Variants in RGS12 observed in about 807,000 individuals in gnomAD.
RGS12 encodes regulator of G protein signaling 12.
A neutral mutation model predicts 120.1 loss-of-function variants in RGS12; 66 were observed. That is an observed-to-expected ratio of 0.55 (90% CI 0.45 to 0.67). The LOEUF is 0.67. Ranked by LOEUF, RGS12 falls within the 30% of genes least tolerant of loss-of-function variation. The probability of loss-of-function intolerance (pLI) is 0.00; values close to 1 mark genes in which losing one functional copy is unlikely to be tolerated. For synonymous variants in RGS12, 827 were observed against 804.7 expected, an observed-to-expected ratio of 1.03 and a Z score of -0.47; for missense variants, 1,859 against 1,957.7, an observed-to-expected ratio of 0.95 and a Z score of 0.95.
At chr4:3,409,224 C>T (rs1355807590) in intron 4 of RGS12, among the ~76,000 whole-genome samples, 4 of 152,206 alleles carry the variant, frequency 2.6e-5, no homozygotes, top group Admixed American at 2.6e-4. Context: ...TCTGCCTCTG[C>T]AGGACCCCAA....
chr4:3,317,970 G>C lies in RGS12; in HGVS notation c.1800G>C (p.Arg600Ser), dbSNP rs779402269. The change falls in exon 2 of 18, where the codon AGG (arginine) becomes AGC (serine). Residue 600 changes from arginine (R) to serine (S), a missense_variant. Coordinates refer to ENST00000336727, the MANE Select transcript of RGS12 (RefSeq NM_001394154.1). ...FAQPPLNAPK[R>S]EWSRKAFGMQ... ...AGCCCCCGCTGAATGCCCCGAAGAG[G>C]GAGTGGTCCAGGAAGGCCTTTGGAA... is the stretch of plus-strand genomic sequence containing the variant. The C allele has an allele frequency of 1.2e-6, 2 of 1,612,790 alleles. No homozygotes were observed. Among genetic ancestry groups the C allele is most frequent in the Non-Finnish European group, 1.7e-6 (2 of 1,179,464 alleles).
intron 1 of RGS12, among the ~76,000 whole-genome samples, chr4:3,313,490 T>TCTCCCC (rs1724539030): frequency 6.6e-6 from 1 of 152,202 alleles, no homozygotes; most frequent in African/African-American, 2.4e-5. Flanking sequence ...GACAAAGTGA[T>TCTCCCC]TCCCCCTTGT....
At chr4:3,299,359 G>T (rs982566346) in intron 1 of RGS12, among the ~76,000 whole-genome samples, 2 of 152,050 alleles carry the variant, frequency 1.3e-5, no homozygotes, top group East Asian at 3.9e-4. Flanking sequence ...CTTCAAGCTG[G>T]GAGGATCACA....
intron 3 of RGS12, among the ~76,000 whole-genome samples, chr4:3,359,696 C>G (rs1715375442): frequency 6.7e-6 from 1 of 149,318 alleles, no homozygotes; most frequent in African/African-American, 2.5e-5. Flanking sequence ...AATCTCAGCT[C>G]ATTGCAAACT....
At chr4:3,397,505 T>C (rs13434660) in intron 4 of RGS12, among the ~76,000 whole-genome samples, 11,438 of 152,096 alleles carry the variant, frequency 0.075, 1,105 homozygotes, top group African/African-American at 0.23. Flanking sequence ...CACATGTCCA[T>C]GGGAGGAGCA....
At chr4:3,371,021 A>C (rs188245631) in intron 3 of RGS12, among the ~76,000 whole-genome samples, 4 of 152,338 alleles carry the variant, frequency 2.6e-5, no homozygotes, top group Admixed American at 2.6e-4. Flanking sequence ...ATGTTTTTCT[A>C]ATATCTAATT....
chr4:3,430,294 G>A (rs1044498926), intron 16 of RGS12, 113 bp from the exon 17 acceptor site: 8 of 931,456 alleles, frequency 8.6e-6, no homozygotes, highest in Admixed American at 4.5e-5. Context: ...TTGACCCACA[G>A]CTGATAGGGT....
chr4:3,422,593 G>A (rs200710335), intron 11 of RGS12, 23 bp downstream of exon 11: 19 of 1,602,848 alleles, frequency 1.2e-5, no homozygotes, highest in Middle Eastern at 1.8e-4. Flanking sequence ...CCTGACCCTC[G>A]TGCTGCCCTC....
At chr4:3,432,350 G>C in intron 17 of RGS12, 1 of 239,766 alleles carries the variant, frequency 4.2e-6, no homozygotes. Context: ...TGAGCACCTG[G>C]TGTGCTCCCA....
rs749409029 is a variant in RGS12, at chr4:3,386,434, G to A, written c.2017G>A (p.Gly673Ser). The change falls in exon 4 of 18, where the codon GGC (glycine) becomes AGC (serine). Residue 673 changes from glycine (G) to serine (S), a missense_variant. Physicochemically the swap from Gly to Ser is moderately conservative, Grantham distance 56. This residue lies in a region of RGS12 where 967 missense variants were observed against 994.2 expected (regional missense o/e 0.97). Coordinates refer to ENST00000336727, the MANE Select transcript of RGS12 (RefSeq NM_001394154.1). ...DDLESATVSD[G>S]ELTGADLKDC... is the part of the protein sequence containing the mutation. ...CTTTCAGTCTGCAACTGTGTCTGAT[G>A]GCGGTAAGTCACAATTTCTGATGTA... The A allele has an allele frequency of 1.9e-6, 3 of 1,611,200 alleles. No individual in the cohort carries two copies. Among genetic ancestry groups the A allele is most frequent in the Non-Finnish European group, 2.5e-6 (3 of 1,177,530 alleles).
At chr4:3,357,876 C>T (rs1348068380) in intron 3 of RGS12, among the ~76,000 whole-genome samples, 2 of 152,030 alleles carry the variant, frequency 1.3e-5, no homozygotes, top group African/African-American at 4.8e-5. Flanking sequence ...ATGGGTTTTT[C>T]TATTTCTGTA....
chr4:3,296,037 G>T (rs1723361053), intron 1 of RGS12, among the ~76,000 whole-genome samples: 2 of 152,178 alleles, frequency 1.3e-5, no homozygotes, highest in South Asian at 2.1e-4. Flanking sequence ...GCTTCTGGAG[G>T]CTGGAGGAGA....
chr4:3,412,140 T>G (rs2109088678), intron 4 of RGS12, among the ~76,000 whole-genome samples: 1 of 152,386 alleles, frequency 6.6e-6, no homozygotes, highest in Non-Finnish European at 1.5e-5. Context: ...TGATTATTCT[T>G]TAACATTTTC....
chr4:3,415,361 C>T (rs1195388401), intron 6 of RGS12, among the ~76,000 whole-genome samples: 1 of 152,114 alleles, frequency 6.6e-6, no homozygotes, highest in Non-Finnish European at 1.5e-5. Flanking sequence ...TTTAATTTTG[C>T]CTAAACCTGG....
chr4:3,352,934 CAA>C (rs1376925142), intron 3 of RGS12, among the ~76,000 whole-genome samples: 1 of 152,188 alleles, frequency 6.6e-6, no homozygotes, highest in African/African-American at 2.4e-5. Flanking sequence ...GTCTGACAGA[CAA>C]GAGTTGTGAG....
chr4:3,406,955 T>C (rs1721195672), intron 4 of RGS12, among the ~76,000 whole-genome samples: 1 of 152,270 alleles, frequency 6.6e-6, no homozygotes, highest in Non-Finnish European at 1.5e-5. Context: ...TACATATTCC[T>C]GATAACACGC....
Position 3,316,129 on chromosome 4 carries a change from G to A in RGS12, c.-42G>A, listed in dbSNP as rs1578709284. 6.6e-7 allele frequency: 1 copy of A among 1,507,544 alleles called. No homozygotes were observed. Among genetic ancestry groups the A allele is most frequent in the Non-Finnish European group, 8.9e-7 (1 of 1,127,610 alleles). The allele number at this position is 1,507,544 out of a possible 1,614,324, so 93.4% of individuals were successfully genotyped here. ...AGCATTCCTTGAAATATGGCTCCAA[G>A]GGAACAATGAGACGTGCTCTTGGTC... is the stretch of plus-strand genomic sequence containing the variant. On this transcript the variant is annotated 5_prime_UTR_variant, in exon 2 of 18. Transcript: ENST00000336727.
At chr4:3,342,910 C>G in intron 2 of RGS12, 27 bp from the exon 3 acceptor site, 4 of 1,462,932 alleles carry the variant, frequency 2.7e-6, no homozygotes, top group Non-Finnish European at 3.8e-6. Context: ...AAAAGAATAA[C>G]CTGATGCCTT....
In RGS12 at chr4:3,430,550, G is replaced by A. The variant is rs933257284; in HGVS notation, c.3709G>A (p.Val1237Met). Residue 1237 changes from valine (V) to methionine (M), a missense_variant, in exon 17 of 18, where the codon GTG becomes ATG. Transcript: ENST00000336727. ...ACTCACCCTCCCCACTCCAGCTGCT[G>A]TGGCCAAGGGCTTTAGCAAGAGAAG... Reference protein sequence around the residue: ...TELTLPTPAAVAKGFSKRSAT... With the variant: ...TELTLPTPAAMAKGFSKRSAT... 6.2e-7 allele frequency: 1 copy of A among 1,613,224 alleles called. No individual in the cohort carries two copies. The highest frequency in any genetic ancestry group is 8.5e-7 in the Non-Finnish European group (1 of 1,180,008).
Sources: allele counts gnomAD v4.1 joint callset (sites outside exome capture counted in the v4.1 genomes callset), GRCh38; gene constraint gnomAD v4.1.1; regional missense constraint gnomAD v4.1.1; transcripts MANE v1.5; gene names NCBI Gene and HGNC (gene_info 2026-07-23, HGNC 2026-07-21).